The following DDX19A variants were observed in gnomAD, a reference collection of about 807,000 sequenced individuals.
The protein encoded by DDX19A is ATP-dependent RNA helicase DDX19A.
DDX19A carries 12 observed loss-of-function variants against 60.6 expected under a neutral mutation model. The observed-to-expected ratio is 0.20, with a 90% CI of 0.13 to 0.32. The LOEUF is 0.32. Among genes scored for constraint, DDX19A ranks in the 10% least tolerant of loss-of-function variants. DDX19A has a pLI of 1.00. For missense variants in DDX19A, 337 were observed against 600.6 expected, an observed-to-expected ratio of 0.56 and a Z score of 4.59; for synonymous variants, 206 against 218.2, an observed-to-expected ratio of 0.94 and a Z score of 0.49.
chr16:70,359,504 G>A (rs1229104947), intron 4 of DDX19A, among the ~76,000 whole-genome samples: 1 of 152,174 alleles, frequency 6.6e-6, no homozygotes, highest in Non-Finnish European at 1.5e-5. Flanking sequence ...GCAGAGAGCT[G>A]ATTGTAAATG....
At chr16:70,350,127 C>T (rs1963967298) in intron 1 of DDX19A, among the ~76,000 whole-genome samples, 1 of 152,140 alleles carries the variant, frequency 6.6e-6, no homozygotes, top group Non-Finnish European at 1.5e-5. Context: ...GTGGTCCACA[C>T]CTGTGTTCCC....
At chr16:70,364,686 TG>T in intron 6 of DDX19A, 41 bp downstream of exon 6, 1 of 1,469,616 alleles carries the variant, frequency 6.8e-7, no homozygotes, top group Non-Finnish European at 9.5e-7. Flanking sequence ...TTGCCTGCCC[TG>T]GGGAGCGCAG....
In DDX19A at chr16:70,371,403, C is replaced by T; in HGVS notation, c.1215C>T (p.Ile405=). 6.2e-7 allele frequency: 1 copy of T among 1,613,456 alleles called. No individual in the cohort carries two copies. Among genetic ancestry groups the T allele is most frequent in the Non-Finnish European group, 8.5e-7 (1 of 1,179,792 alleles). ...ATGTTGAACAAGTGTCTGTCGTCAT[C>T]AACTTTGATCTTCCCGTGGACAAGG... is the stretch of plus-strand genomic sequence containing the variant. The part of the protein sequence containing the change: ...GIDVEQVSVV[I]NFDLPVDKDG... Residue 405 remains isoleucine (I), a synonymous_variant, in exon 11 of 12, where the codon ATC becomes ATT. Coordinates refer to ENST00000302243, the MANE Select transcript of DDX19A (RefSeq NM_018332.5).
chr16:70,362,857 CAA>C (rs1442859093), intron 5 of DDX19A, among the ~76,000 whole-genome samples: 2 of 150,356 alleles, frequency 1.3e-5, no homozygotes, highest in East Asian at 4.1e-4. Flanking sequence ...ACAAAAAATA[CAA>C]AAAAATTAGC....
At chr16:70,355,910 TC>T in intron 3 of DDX19A, 1 of 663,404 alleles carries the variant, frequency 1.5e-6, no homozygotes, top group Non-Finnish European at 2.5e-6. Flanking sequence ...TACAGTGAGC[TC>T]TGATTGCTCC....
rs928914383 is a variant in DDX19A at position 70,357,153 on chromosome 16, C to T, written c.293+906C>T. Reference sequence around the variant, plus strand: ...CCTGTAATCTCAGCTACTCAGGAGGCGGAGGCTGAGGCAGGAGATCACTTG... The same window carrying T: ...CCTGTAATCTCAGCTACTCAGGAGGTGGAGGCTGAGGCAGGAGATCACTTG... On this transcript the variant is annotated intron_variant, in intron 4 of 11. Coordinates refer to ENST00000302243, the MANE Select transcript of DDX19A (RefSeq NM_018332.5). 2.0e-5 allele frequency among the ~76,000 whole-genome samples: 3 copies of T among 149,776 alleles called. No homozygotes were observed. In the East Asian group the frequency reaches 6.0e-4, roughly 30 times the overall value.
chr16:70,356,135 C>A lies in DDX19A; in HGVS notation c.181C>A (p.Leu61Ile), dbSNP rs750330770. 8 of 1,613,878 alleles carry A rather than the reference C, an allele frequency of 5.0e-6. No homozygotes were observed. The African/African-American group carries it at 8.0e-5, about 16-fold the overall frequency. ...AGAGGACAGAGCTGCCCAGTCCTTA[C>A]TCAACAAGCTGATCAGAAGCAACCT... Reference protein sequence around the residue: ...EKEDRAAQSLLNKLIRSNLVD... With the variant: ...EKEDRAAQSLINKLIRSNLVD... The change falls in exon 4 of 12, where the codon CTC becomes ATC. Residue 61 changes from leucine (L) to isoleucine (I), a missense_variant. By Grantham distance (5) the Leu-to-Ile change is conservative (BLOSUM62 2). Around this residue, in one of 6 missense-constraint regions of DDX19A, gnomAD observed 127 missense variants for 160.3 expected, o/e 0.79. Transcript: ENST00000302243.
chr16:70,365,522 C>T lies in DDX19A; in HGVS notation c.604+391C>T, dbSNP rs185373905. On this transcript the variant is annotated intron_variant, in intron 7 of 11. Transcript: ENST00000302243. ...GTAAGCAAAACCAGGTACAGTGGCT[C>T]ACACCTGCAATCCCAGCCCTTTGGG... The T allele has an allele frequency of 1.6e-5, 3 of 189,914 alleles. No individual in the cohort carries two copies. The East Asian group carries it at 4.6e-4, about 29-fold the overall frequency. The allele number at this position is 189,914 out of a possible 1,614,324, so 11.8% of individuals were successfully genotyped here.
intron 2 of DDX19A, among the ~76,000 whole-genome samples, chr16:70,354,497 A>G (rs1964124279): frequency 6.6e-6 from 1 of 152,222 alleles, no homozygotes. Context: ...CTACAATCTC[A>G]TCACAGAATT....
At chr16:70,356,784 A>G (rs1964201329) in intron 4 of DDX19A, 2 of 927,390 alleles carry the variant, frequency 2.2e-6, no homozygotes, top group Non-Finnish European at 2.9e-6. Flanking sequence ...CTTGGTAGGA[A>G]TTTTTTAATG....
At chr16:70,350,076 G>A (rs1408301611) in intron 1 of DDX19A, among the ~76,000 whole-genome samples, 2 of 152,110 alleles carry the variant, frequency 1.3e-5, no homozygotes, top group Non-Finnish European at 2.9e-5. Flanking sequence ...TGGGAGGATT[G>A]CTTGAGCCCA....
intron 4 of DDX19A, 140 bp downstream of exon 4, chr16:70,356,387 G>A (rs1002048767): frequency 1.3e-5 from 17 of 1,340,098 alleles, no homozygotes; most frequent in South Asian, 2.9e-5. Flanking sequence ...ACAGAGTTTC[G>A]CTCCTGTTGC....
At chr16:70,350,500 G>T (rs927346738) in intron 1 of DDX19A, 57 bp from the exon 2 acceptor site, 21 of 1,375,702 alleles carry the variant, frequency 1.5e-5, no homozygotes, top group Admixed American at 2.1e-5. Context: ...CTTTTCTTAG[G>T]GACCTTCCTT....
intron 9 of DDX19A, among the ~76,000 whole-genome samples, chr16:70,369,420 G>A (rs146730477): frequency 0.012 from 1,804 of 145,458 alleles, 28 homozygotes; most frequent in African/African-American, 0.043. Context: ...CCTCGCGATC[G>A]GCCCACCTCG....
Position 70,371,444 on chromosome 16 carries a change from A to G in DDX19A, c.1256A>G (p.Asn419Ser). Reference sequence around the variant, plus strand: ...GTGGACAAGGACGGGAATCCTGACAATGAGACCTACCTGCACCGGATCGGG... The same window carrying G: ...GTGGACAAGGACGGGAATCCTGACAGTGAGACCTACCTGCACCGGATCGGG... ...LPVDKDGNPDNETYLHRIGRT... is the reference protein window; with the variant it reads ...LPVDKDGNPDSETYLHRIGRT... Residue 419 changes from asparagine to serine, a missense_variant, in exon 11 of 12, where the codon AAT becomes AGT. This residue lies in a region of DDX19A where 117 missense variants were observed against 274.3 expected (regional missense o/e 0.43). Coordinates refer to ENST00000302243, the MANE Select transcript of DDX19A (RefSeq NM_018332.5). 2 of 1,612,870 alleles carry G rather than the reference A, an allele frequency of 1.2e-6. No individual in the cohort carries two copies. The highest frequency in any genetic ancestry group is 2.2e-5 in the East Asian group (1 of 44,850).
rs778383314 is a variant in DDX19A, at chr16:70,366,855, C to T, written c.1014C>T (p.Phe338=). ...GAITIAQAMI[F]CHTRKTASWL... is the part of the protein sequence containing the mutation. The stretch of plus-strand genomic sequence containing the variant: ...TCACCATTGCTCAAGCCATGATCTT[C>T]TGCCATGTGAGTAGCAGCGGCAGTG... The change falls in exon 9 of 12, where the codon TTC becomes TTT. Residue 338 remains phenylalanine (F), a synonymous_variant. Transcript: ENST00000302243. 6.2e-7 allele frequency: 1 copy of T among 1,614,000 alleles called. No homozygotes were observed. The highest frequency in any genetic ancestry group is 1.7e-5 in the Admixed American group (1 of 60,002).
intron 4 of DDX19A, among the ~76,000 whole-genome samples, chr16:70,357,273 AT>A (rs1555552559): frequency 0.13 from 5,051 of 39,244 alleles, 185 homozygotes; most frequent in African/African-American, 0.34. Context: ...AAAAAAAAAT[AT>A]ATATATATAT....
At chr16:70,371,894 C>T (rs771517214) in intron 11 of DDX19A, 31 bp from the exon 12 acceptor site, 7 of 1,613,942 alleles carry the variant, frequency 4.3e-6, no homozygotes, top group South Asian at 2.2e-5. Context: ...CATTCCTGGG[C>T]AGGGTAGAGA....
chr16:70,366,017 C>T, intron 7 of DDX19A, 68 bp from the exon 8 acceptor site: 1 of 1,609,186 alleles, frequency 6.2e-7, no homozygotes. Flanking sequence ...GAAGGATGGG[C>T]AGGGCTTTGA....
Sources: gnomAD v4.1 joint callset for allele counts (sites outside exome capture counted in the v4.1 genomes callset) on GRCh38, gnomAD v4.1.1 for gene constraint, gnomAD v4.1.1 regional missense constraint, MANE v1.5 for transcripts, NCBI Gene and HGNC (gene_info 2026-07-23, HGNC 2026-07-21) for gene names.